The following EYS variants were observed in gnomAD, a reference collection of about 807,000 sequenced individuals.
EYS encodes protein eyes shut homolog.
Under a neutral mutation model 282.1 loss-of-function variants are expected in EYS, and 250 were observed. The ratio of observed to expected loss-of-function variants is 0.89; its 90% CI spans 0.80 to 0.98. The LOEUF (loss-of-function observed/expected upper bound fraction) is 0.98, where lower values mean the gene tolerates loss of function less well. Among genes scored for constraint, EYS ranks in the 50% least tolerant of loss-of-function variants. EYS has a pLI of 0.00. For synonymous variants in EYS, 1,355 were observed against 1,282.9 expected (o/e 1.06, Z -1.20); for missense variants, 4,016 against 3,709.0 (o/e 1.08, Z -2.15).
chr6:65,539,437 A>G (rs1442430445), intron 2 of EYS, among the ~76,000 whole-genome samples: 1 of 152,298 alleles, frequency 6.6e-6, no homozygotes, highest in East Asian at 1.9e-4. Context: ...AAGCTATGAT[A>G]TACAATATAA....
rs530685623 is a variant in EYS, at chr6:64,436,282, T to C, written c.5836-17A>G. On this transcript the variant is annotated splice_polypyrimidine_tract_variant and intron_variant, in intron 27 of 42. Coordinates refer to ENST00000503581, the MANE Select transcript of EYS (RefSeq NM_001142800.2). Reference sequence around the variant, plus strand: ...AAAGTGGTACTGTTGGGGGAAAAAATTTTGTCCTCAAACAGTTTTTCAGCA... The same window carrying C: ...AAAGTGGTACTGTTGGGGGAAAAAACTTTGTCCTCAAACAGTTTTTCAGCA... 5.4e-5 allele frequency: 79 copies of C among 1,457,694 alleles called. No individual in the cohort carries two copies. The highest frequency in any genetic ancestry group is 3.2e-4 in the Admixed American group (16 of 49,258). The allele number at this position is 1,457,694 out of a possible 1,614,324, so 90.3% of individuals were successfully genotyped here.
intron 1 of EYS, among the ~76,000 whole-genome samples, chr6:65,701,817 A>G (rs1417844422): frequency 6.6e-6 from 1 of 152,174 alleles, no homozygotes; most frequent in Non-Finnish European, 1.5e-5. Context: ...AAGGGCATAT[A>G]CATATATATA....
intron 31 of EYS, among the ~76,000 whole-genome samples, chr6:64,094,576 G>A (rs892207693): frequency 2.0e-5 from 3 of 152,124 alleles, no homozygotes; most frequent in Non-Finnish European, 4.4e-5. Flanking sequence ...ATGGTAGTTT[G>A]TATTTCTGTG....
At chr6:65,487,952 T>A (rs5910858) in intron 5 of EYS, among the ~76,000 whole-genome samples, 1 of 152,190 alleles carries the variant, frequency 6.6e-6, no homozygotes, top group African/African-American at 2.4e-5. Context: ...ATTTTCTAGT[T>A]TATTTGCATA....
chr6:64,475,302 AGC>A (rs1776227076), intron 26 of EYS, among the ~76,000 whole-genome samples: 1 of 71,250 alleles, frequency 1.4e-5, no homozygotes, highest in Non-Finnish European at 3.3e-5. Flanking sequence ...CTGTAATCCC[AGC>A]ACTTTGGGAG....
intron 28 of EYS, among the ~76,000 whole-genome samples, chr6:64,429,926 GAC>G (rs1442718900): frequency 6.6e-6 from 1 of 152,124 alleles, no homozygotes; most frequent in Non-Finnish European, 1.5e-5. Flanking sequence ...TGTTTTTCTT[GAC>G]ACTGCTGACA....
intron 2 of EYS, among the ~76,000 whole-genome samples, chr6:65,526,168 G>A (rs566263409): frequency 5.9e-5 from 9 of 152,048 alleles, no homozygotes; most frequent in Non-Finnish European, 7.4e-5. Context: ...CACCTGTCCC[G>A]TTATGGGCCT....
chr6:65,008,758 A>T (rs1771771759), intron 13 of EYS, among the ~76,000 whole-genome samples: 1 of 152,176 alleles, frequency 6.6e-6, no homozygotes, highest in South Asian at 2.1e-4. Context: ...GGCAAGCGCC[A>T]GCCCATGCCA....
At chr6:64,172,829 G>A (rs1764522085) in intron 31 of EYS, among the ~76,000 whole-genome samples, 1 of 152,162 alleles carries the variant, frequency 6.6e-6, no homozygotes, top group African/African-American at 2.4e-5. Flanking sequence ...AACTGTATAT[G>A]CAAGGGATCA....
At chr6:64,668,580 C>T (rs12215145) in intron 22 of EYS, among the ~76,000 whole-genome samples, 78,700 of 129,204 alleles carry the variant, frequency 0.61, 23,837 homozygotes, top group South Asian at 0.7. Context: ...GACAGAGTCT[C>T]GCTCTGTCGC....
intron 2 of EYS, among the ~76,000 whole-genome samples, chr6:65,617,173 G>C (rs1766232734): frequency 6.6e-6 from 1 of 151,962 alleles, no homozygotes. Flanking sequence ...AGAAACCTAT[G>C]TATAACTAAG....
At chr6:63,795,786 GAATCAAAGGTTTCAGAGAGT>G (rs1332856985) in intron 37 of EYS, among the ~76,000 whole-genome samples, 2 of 152,152 alleles carry the variant, frequency 1.3e-5, no homozygotes, top group Non-Finnish European at 2.9e-5. Flanking sequence ...AGGAGGAAAA[GAATCAAAGGTTTCAGAGAGT>G]AAGCCCAGGA....
At chr6:65,446,987 A>T (rs553029021) in intron 5 of EYS, among the ~76,000 whole-genome samples, 1 of 151,822 alleles carries the variant, frequency 6.6e-6, no homozygotes, top group South Asian at 2.1e-4. Context: ...CTCACATAAC[A>T]GACATCGTCT....
chr6:65,123,788 T>A (rs1386418300), intron 12 of EYS, among the ~76,000 whole-genome samples: 1 of 129,630 alleles, frequency 7.7e-6, no homozygotes, highest in Non-Finnish European at 1.7e-5. Flanking sequence ...ACACACACAC[T>A]AGTTTAGTCT....
At chr6:64,947,693 TA>T (rs904134048) in intron 14 of EYS, among the ~76,000 whole-genome samples, 1 of 150,222 alleles carries the variant, frequency 6.7e-6, no homozygotes, top group Non-Finnish European at 1.5e-5. Context: ...AGGACTTACA[TA>T]AAAATTGAAT....
intron 35 of EYS, among the ~76,000 whole-genome samples, chr6:63,895,149 A>T (rs1581946443): frequency 3.8e-4 from 1 of 2,620 alleles, no homozygotes; most frequent in Admixed American, 0.015. Flanking sequence ...TGTGAGCGAT[A>T]AAAAAAAAAA....
At chr6:65,374,095 G>A (rs990170878) in intron 8 of EYS, among the ~76,000 whole-genome samples, 7 of 152,158 alleles carry the variant, frequency 4.6e-5, no homozygotes, top group African/African-American at 1.7e-4. Flanking sequence ...GTAGTAAGAT[G>A]GCTGAATAGG....
At chr6:65,027,549 C>A (rs1430333011) in intron 13 of EYS, among the ~76,000 whole-genome samples, 1 of 152,192 alleles carries the variant, frequency 6.6e-6, no homozygotes, top group Non-Finnish European at 1.5e-5. Context: ...CTCTTCAATG[C>A]CTCATTAAAA....
intron 12 of EYS, among the ~76,000 whole-genome samples, chr6:65,246,180 G>A (rs1445169403): frequency 6.6e-6 from 1 of 152,032 alleles, no homozygotes; most frequent in East Asian, 1.9e-4. Flanking sequence ...GTCAGTGTGT[G>A]TACTAAGCAC....
Sources: gnomAD v4.1 joint callset for allele counts (sites outside exome capture counted in the v4.1 genomes callset) on GRCh38, gnomAD v4.1.1 for gene constraint, MANE v1.5 for transcripts, NCBI Gene and HGNC (gene_info 2026-07-23, HGNC 2026-07-21) for gene names.